Variants in BLTP3A observed in about 807,000 individuals in gnomAD.
The protein encoded by BLTP3A is ICBP90 binding protein 1.
At chr6:34,874,049 A>G in the BLTP3A span, 1 of 152,216 alleles carries the variant, frequency 6.6e-6, no homozygotes, top group African/African-American at 2.4e-5. Flanking sequence ...TTCATGCTTA[A>G]GAAATAGAGA....
At chr6:34,813,038 T>C in the BLTP3A span, among the ~76,000 whole-genome samples, 2 of 152,188 alleles carry the variant, frequency 1.3e-5, no homozygotes, top group African/African-American at 2.4e-5. Context: ...ACCTCCTCAA[T>C]GGAAAAAATG....
the BLTP3A span, among the ~76,000 whole-genome samples, chr6:34,807,590 A>T: frequency 3.9e-5 from 6 of 152,222 alleles, no homozygotes; most frequent in Non-Finnish European, 7.3e-5. Flanking sequence ...TTGTTCTTTC[A>T]ACTGGCCCAG....
the BLTP3A span, among the ~76,000 whole-genome samples, chr6:34,866,808 TACCTC>T: frequency 6.6e-6 from 1 of 152,242 alleles, no homozygotes; most frequent in African/African-American, 2.4e-5. Flanking sequence ...CTACTTTAGG[TACCTC>T]ATATAAGTGG....
the BLTP3A span, chr6:34,871,486 G>A: frequency 1.5e-5 from 18 of 1,179,682 alleles, 1 homozygote; most frequent in South Asian, 1.8e-4. Context: ...TGGACAAACT[G>A]GCATAAAGCT....
chr6:34,849,850 T>C, the BLTP3A span, among the ~76,000 whole-genome samples: 7 of 152,158 alleles, frequency 4.6e-5, no homozygotes, highest in African/African-American at 7.2e-5. Flanking sequence ...ATAAAAGTTT[T>C]CTCCTGGTCC....
the BLTP3A span, among the ~76,000 whole-genome samples, chr6:34,815,003 T>G: frequency 6.6e-6 from 1 of 152,202 alleles, no homozygotes; most frequent in Non-Finnish European, 1.5e-5. Context: ...CTGCCTCTTC[T>G]TGCCCTGTCA....
the BLTP3A span, among the ~76,000 whole-genome samples, chr6:34,803,233 TAA>T: frequency 2.1e-5 from 3 of 143,126 alleles, no homozygotes; most frequent in African/African-American, 2.5e-5. Context: ...ATTGTAAAGT[TAA>T]AAAAAAAAAA....
the BLTP3A span, chr6:34,864,115 T>C: frequency 6.2e-7 from 1 of 1,614,100 alleles, no homozygotes; most frequent in Non-Finnish European, 8.5e-7. Context: ...TTTGATGGTG[T>C]CTCATTGGAT....
the BLTP3A span, among the ~76,000 whole-genome samples, chr6:34,802,775 T>G: frequency 7.9e-5 from 12 of 152,352 alleles, no homozygotes; most frequent in African/African-American, 2.9e-4. Context: ...GAAATACAAA[T>G]GATTTTATTG....
chr6:34,849,522 G>A, the BLTP3A span, among the ~76,000 whole-genome samples: 3 of 151,908 alleles, frequency 2.0e-5, no homozygotes, highest in East Asian at 1.9e-4. Flanking sequence ...TTATTATACC[G>A]TCTATGTCTT....
chr6:34,856,433 C>T, the BLTP3A span: 1 of 1,605,530 alleles, frequency 6.2e-7, no homozygotes, highest in Non-Finnish European at 8.5e-7. Context: ...AACTGGAAGA[C>T]TCCAGTTGCT....
the BLTP3A span, among the ~76,000 whole-genome samples, chr6:34,829,360 T>A: frequency 1.3e-5 from 2 of 152,220 alleles, no homozygotes; most frequent in African/African-American, 2.4e-5. Flanking sequence ...CTTTTGTGGT[T>A]GACTTCTTTC....
the BLTP3A span, among the ~76,000 whole-genome samples, chr6:34,850,485 A>T: frequency 2.0e-5 from 3 of 152,074 alleles, no homozygotes; most frequent in African/African-American, 7.2e-5. Flanking sequence ...AAGGCCAATA[A>T]TTCTTAGATT....
At chr6:34,847,746 T>C in the BLTP3A span, among the ~76,000 whole-genome samples, 3 of 151,370 alleles carry the variant, frequency 2.0e-5, no homozygotes, top group Non-Finnish European at 4.4e-5. Flanking sequence ...ACTTTTCCTT[T>C]TGTTGATCTT....
At chr6:34,854,729 A>G in the BLTP3A span, among the ~76,000 whole-genome samples, 1 of 152,166 alleles carries the variant, frequency 6.6e-6, no homozygotes, top group Non-Finnish European at 1.5e-5. Flanking sequence ...AAATGACCCT[A>G]CTGGATGAAG....
At chr6:34,853,372 T>C in the BLTP3A span, among the ~76,000 whole-genome samples, 1 of 151,982 alleles carries the variant, frequency 6.6e-6, no homozygotes, top group Non-Finnish European at 1.5e-5. Flanking sequence ...TTTTATTTTT[T>C]TGTGGCAGGG....
the BLTP3A span, among the ~76,000 whole-genome samples, chr6:34,811,719 C>T: frequency 7.3e-6 from 1 of 136,222 alleles, no homozygotes; most frequent in Non-Finnish European, 1.6e-5. Flanking sequence ...ATTTGCCGGG[C>T]ATGGTGATGC....
chr6:34,836,564 C>T, the BLTP3A span, among the ~76,000 whole-genome samples: 2 of 152,188 alleles, frequency 1.3e-5, no homozygotes, highest in Non-Finnish European at 2.9e-5. Context: ...AACCACATGT[C>T]ATACTTAATA....
At chr6:34,824,473 G>T in the BLTP3A span, among the ~76,000 whole-genome samples, 1 of 149,350 alleles carries the variant, frequency 6.7e-6, no homozygotes, top group Non-Finnish European at 1.5e-5. Context: ...CAAGAGAATC[G>T]CTTGAACCCG....
Sources: allele counts gnomAD v4.1 joint callset (sites outside exome capture counted in the v4.1 genomes callset), GRCh38; gene constraint gnomAD v4.1.1; transcripts MANE v1.5; gene names NCBI Gene and HGNC (gene_info 2026-07-23, HGNC 2026-07-21).